SOCS7: variants seen among roughly 807,000 people sequenced by gnomAD.
SOCS7 encodes the protein NAP-4.
Under a neutral mutation model 58.9 loss-of-function variants are expected in SOCS7, and 18 were observed. That is an observed-to-expected ratio of 0.31 (90% CI 0.21 to 0.45). The LOEUF is 0.45. Among genes scored for constraint, SOCS7 ranks in the 20% least tolerant of loss-of-function variants. The pLI, the probability that SOCS7 is intolerant of heterozygous loss-of-function variation, is 1.00. For synonymous variants in SOCS7, 388 were observed against 364.3 expected, an observed-to-expected ratio of 1.06 and a Z score of -0.74; for missense variants, 667 against 837.3, an observed-to-expected ratio of 0.80 and a Z score of 2.51.
chr17:38,376,866 A>G (rs1374813831), intron 6 of SOCS7, among the ~76,000 whole-genome samples: 2 of 152,236 alleles, frequency 1.3e-5, no homozygotes, highest in Admixed American at 6.5e-5. Flanking sequence ...CAGTCGTCCC[A>G]TAAGATTATA....
At chr17:38,397,663 A>G (rs900340154) in intron 9 of SOCS7, among the ~76,000 whole-genome samples, 2 of 152,376 alleles carry the variant, frequency 1.3e-5, no homozygotes, top group African/African-American at 4.8e-5. Flanking sequence ...ATAGCTGTAT[A>G]TTTGTGTTTA....
Position 38,387,127 on chromosome 17 carries a change from ATG to A in SOCS7, c.1682-8180_1682-8179del, listed in dbSNP as rs1207391790. On this transcript the variant is annotated intron_variant, in intron 7 of 9. Coordinates refer to ENST00000612932, the MANE Select transcript of SOCS7 (RefSeq NM_014598.4). ...AATATATATATATATATATATATAT[ATG>A]TATGTATATATATATATATATATGA... Among the ~76,000 whole-genome samples the A allele has an allele frequency of 1.1e-4, 10 of 93,544 alleles. 1 individual carries two copies. The highest frequency in any genetic ancestry group is 2.3e-4 in the African/African-American group (4 of 17,430). The allele number at this position is 93,544 out of a possible 152,430, so 61.4% of individuals were successfully genotyped here.
intron 6 of SOCS7, among the ~76,000 whole-genome samples, chr17:38,369,796 T>G (rs894584858): frequency 5.0e-5 from 7 of 141,286 alleles, no homozygotes; most frequent in Non-Finnish European, 7.8e-5. Context: ...TTTTTGTTTG[T>G]TTTTTTTTTT....
Position 38,352,051 on chromosome 17 carries a change from C to G in SOCS7, c.-2C>G, listed in dbSNP as rs960754798. On this transcript the variant is annotated 5_prime_UTR_variant, in exon 1 of 10. Coordinates refer to ENST00000612932, the MANE Select transcript of SOCS7 (RefSeq NM_014598.4). The surrounding 1 kb of genome is among the most constrained non-coding windows in gnomAD (Gnocchi z 5.5). ...GCCGCCCGCCCTCCCTCCCTCTCCC[C>G]GATGCAGGAGGCCGAGCTCCGGGAT... Among the ~76,000 whole-genome samples, 22 of 151,256 alleles carry G rather than the reference C, an allele frequency of 1.5e-4. No individual in the cohort carries two copies. The highest frequency in any genetic ancestry group is 5.3e-4 in the African/African-American group (22 of 41,328).
At position 38,395,929 on chromosome 17, in the gene SOCS7, C is replaced by T; in HGVS notation, c.1899C>T (p.Leu633=). 6.2e-7 allele frequency: 1 copy of T among 1,611,222 alleles called. No homozygotes were observed. Among genetic ancestry groups the T allele is most frequent in the Non-Finnish European group, 8.5e-7 (1 of 1,179,390 alleles). Residue 633 remains leucine (L), a synonymous_variant, in exon 9 of 10, where the codon CTC becomes CTT. Transcript: ENST00000612932. The stretch of plus-strand genomic sequence containing the variant: ...ACCTGTCTCTAAAGGAAGCGCAGCT[C>T]ATTTCCAAACAGAAGCAAGAGGTGG... ...EVYLSLKEAQ[L]ISKQKQEVEP...
chr17:38,372,050 A>G (rs2037875314), intron 6 of SOCS7, among the ~76,000 whole-genome samples: 1 of 152,072 alleles, frequency 6.6e-6, no homozygotes, highest in African/African-American at 2.4e-5. Flanking sequence ...TCTAAGAAGT[A>G]TATATAGTTG....
At chr17:38,391,254 G>T (rs375448528) in intron 7 of SOCS7, among the ~76,000 whole-genome samples, 1 of 152,036 alleles carries the variant, frequency 6.6e-6, no homozygotes, top group Non-Finnish European at 1.5e-5. Context: ...CAAATAGTGC[G>T]CAAGGGAATA....
chr17:38,360,033 C>T (rs1046143903), intron 1 of SOCS7, among the ~76,000 whole-genome samples: 5 of 152,000 alleles, frequency 3.3e-5, no homozygotes, highest in African/African-American at 1.2e-4. Context: ...CCACCTCAGC[C>T]TCTCAAAGTG....
At chr17:38,370,506 T>A (rs531145357) in intron 6 of SOCS7, among the ~76,000 whole-genome samples, 6 of 151,732 alleles carry the variant, frequency 4.0e-5, no homozygotes, top group Non-Finnish European at 7.4e-5. Context: ...CCAGCTAATT[T>A]AAAAAAATTT....
rs1802981567 is a variant in SOCS7 at position 38,352,524 on chromosome 17, C to T, written c.472C>T (p.Pro158Ser). 3 of 1,547,150 alleles carry T rather than the reference C, an allele frequency of 1.9e-6. No individual in the cohort carries two copies. Among genetic ancestry groups the T allele is most frequent in the Non-Finnish European group, 2.6e-6 (3 of 1,145,302 alleles). ...PCPPQPPPPQ[P>S]QPPAAAPQAG... is the part of the protein sequence containing the mutation. Reference sequence around the variant, plus strand: ...TCCTCCTCAGCCGCCCCCTCCGCAGCCCCAGCCGCCTGCTGCCGCCCCGCA... The same window carrying T: ...TCCTCCTCAGCCGCCCCCTCCGCAGTCCCAGCCGCCTGCTGCCGCCCCGCA... Residue 158 changes from proline to serine, a missense_variant, in exon 1 of 10, where the codon CCC becomes TCC. Around this residue, in one of 9 missense-constraint regions of SOCS7, gnomAD observed 154 missense variants for 156.3 expected, o/e 0.98. Transcript: ENST00000612932. The surrounding 1 kb of genome is among the most constrained non-coding windows in gnomAD (Gnocchi z 5.5).
intron 6 of SOCS7, among the ~76,000 whole-genome samples, chr17:38,371,350 C>T (rs2037861603): frequency 6.6e-6 from 1 of 152,030 alleles, no homozygotes; most frequent in South Asian, 2.1e-4. Flanking sequence ...TCTCAGCTCA[C>T]TGCAAGCTCT....
intron 7 of SOCS7, among the ~76,000 whole-genome samples, chr17:38,391,193 A>G (rs2038169341): frequency 6.6e-6 from 1 of 152,166 alleles, no homozygotes; most frequent in African/African-American, 2.4e-5. Flanking sequence ...TATTAGTTCT[A>G]TTATGTATTT....
intron 7 of SOCS7, among the ~76,000 whole-genome samples, chr17:38,383,026 A>C (rs771940050): frequency 6.6e-6 from 1 of 152,048 alleles, no homozygotes; most frequent in African/African-American, 2.4e-5. Flanking sequence ...TGTGACAATC[A>C]CATTATGTCT....
At chr17:38,373,943 G>A (rs1235767739) in intron 6 of SOCS7, among the ~76,000 whole-genome samples, 3 of 152,216 alleles carry the variant, frequency 2.0e-5, no homozygotes, top group South Asian at 4.1e-4. Context: ...ATAGTTGACC[G>A]GGTGGAGTGG....
chr17:38,385,438 TTTC>T lies in SOCS7; in HGVS notation c.1681+7599_1681+7601del, dbSNP rs2038056264. Among the ~76,000 whole-genome samples, 71 of 142,616 alleles carry T rather than the reference TTTC, an allele frequency of 5.0e-4. No individual in the cohort carries two copies. The East Asian group carries it at 8.1e-3, about 16-fold the overall frequency. The allele number at this position is 142,616 out of a possible 152,430, so 93.6% of individuals were successfully genotyped here. ...ACAGCATTACTTCATCTGAATTTCTTTTCTTTCTTTTTTTTTTTTTTTAAATAG... is the reference window on the plus strand; with the variant it reads ...ACAGCATTACTTCATCTGAATTTCTTTTTCTTTTTTTTTTTTTTTAAATAG... On this transcript the variant is annotated intron_variant, in intron 7 of 9. Transcript: ENST00000612932.
At chr17:38,378,093 A>G (rs1418409761) in intron 7 of SOCS7, among the ~76,000 whole-genome samples, 1 of 152,244 alleles carries the variant, frequency 6.6e-6, no homozygotes, top group Non-Finnish European at 1.5e-5. Flanking sequence ...ATGTCCAGGC[A>G]TCATGTGAAC....
chr17:38,376,638 G>A lies in SOCS7; in HGVS notation c.1553-1076G>A, dbSNP rs551748471. ...TCCCAGCTACTCAGGAGTCTGAGGCGGGAGAATCACTTGAACCCAGCAAGT... is the reference window on the plus strand; with the variant it reads ...TCCCAGCTACTCAGGAGTCTGAGGCAGGAGAATCACTTGAACCCAGCAAGT... On this transcript the variant is annotated intron_variant, in intron 6 of 9. Transcript: ENST00000612932. Among the ~76,000 whole-genome samples, 16 of 151,916 alleles carry A rather than the reference G, an allele frequency of 1.1e-4. No individual in the cohort carries two copies. In the South Asian group the frequency reaches 1.5e-3, roughly 14 times the overall value.
intron 5 of SOCS7, 28 bp from the exon 6 acceptor site, chr17:38,367,854 C>T (rs200851298): frequency 1.4e-5 from 22 of 1,606,990 alleles, no homozygotes; most frequent in East Asian, 4.5e-5. Flanking sequence ...GTCCTGATAA[C>T]TAGTGGACTG....
rs1174423112 is a variant in SOCS7 at position 38,372,534 on chromosome 17, A to C, written c.1552+4484A>C. 2.0e-5 allele frequency among the ~76,000 whole-genome samples: 3 copies of C among 152,240 alleles called. No homozygotes were observed. The East Asian group carries it at 5.8e-4, about 29-fold the overall frequency. On this transcript the variant is annotated intron_variant, in intron 6 of 9. Transcript: ENST00000612932. ...ATGTTGTGTGACGCTAGTCATCACCATGTGAGTGTTTATCTCTCCAGCTAA... is the reference window on the plus strand; with the variant it reads ...ATGTTGTGTGACGCTAGTCATCACCCTGTGAGTGTTTATCTCTCCAGCTAA...
Sources: gnomAD v4.1 joint callset for allele counts (sites outside exome capture counted in the v4.1 genomes callset) on GRCh38, gnomAD v4.1.1 for gene constraint, gnomAD v4.1.1 regional missense constraint, Gnocchi (gnomAD v3.1) non-coding constraint, MANE v1.5 for transcripts, NCBI Gene and HGNC (gene_info 2026-07-23, HGNC 2026-07-21) for gene names.